Variants in USP32 observed in about 807,000 individuals in gnomAD.
USP32 encodes the protein ubiquitin specific peptidase 32, also known as ubiquitin carboxyl-terminal hydrolase 32.
USP32 carries 59 observed loss-of-function variants against 204.8 expected under a neutral mutation model. That is an observed-to-expected ratio of 0.29 (90% confidence interval 0.23 to 0.36). The LOEUF (loss-of-function observed/expected upper bound fraction) is 0.36. Ranked by LOEUF, USP32 falls within the 10% of genes least tolerant of loss-of-function variation. The pLI is 1.00. For synonymous variants in USP32, 517 were observed against 678.4 expected (o/e 0.76, Z 3.70); for missense variants, 1,160 against 1,946.4 (o/e 0.60, Z 7.60).
chr17:60,188,572 T>C (rs1206635998), intron 29 of USP32, among the ~76,000 whole-genome samples: 22 of 152,254 alleles, frequency 1.4e-4, no homozygotes, highest in Non-Finnish European at 8.8e-5. Context: ...AACCGCATTA[T>C]ATTTTATCCA....
At chr17:60,376,021 T>C (rs181214599) in intron 1 of USP32, among the ~76,000 whole-genome samples, 22 of 152,192 alleles carry the variant, frequency 1.4e-4, no homozygotes, top group Admixed American at 1.4e-3. Context: ...TCACTCAATC[T>C]TTTGCCAATT....
At chr17:60,325,073 GAAAA>G (rs1361658959) in intron 2 of USP32, among the ~76,000 whole-genome samples, 1 of 152,060 alleles carries the variant, frequency 6.6e-6, no homozygotes, top group Non-Finnish European at 1.5e-5. Context: ...CTAAGCATAG[GAAAA>G]AATAAGGCAA....
chr17:60,337,585 T>C (rs765039800), intron 2 of USP32, among the ~76,000 whole-genome samples: 1 of 152,150 alleles, frequency 6.6e-6, no homozygotes, highest in Non-Finnish European at 1.5e-5. Context: ...CCATCAAGAA[T>C]AACAATTTTG....
At position 60,360,059 on chromosome 17, in the gene USP32, G is replaced by A. The variant is rs371317551; in HGVS notation, c.59-14451C>T. On this transcript the variant is annotated intron_variant, in intron 1 of 33. Coordinates refer to ENST00000300896, the MANE Select transcript of USP32 (RefSeq NM_032582.4). ...ATTTTTTTGTATTTTTAGTAGAAAC[G>A]GGGTTTCACCATGTTAGCCAGGATG... Among the ~76,000 whole-genome samples the A allele has an allele frequency of 1.4e-4, 21 of 150,936 alleles. No individual in the cohort carries two copies. In the East Asian group the frequency reaches 2.4e-3, roughly 17 times the overall value.
At chr17:60,217,808 G>C (rs1372146518) in intron 16 of USP32, among the ~76,000 whole-genome samples, 2 of 151,958 alleles carry the variant, frequency 1.3e-5, no homozygotes, top group African/African-American at 4.8e-5. Context: ...CACAATCATA[G>C]CTCACCACAA....
chr17:60,384,791 C>CA (rs78025849), intron 1 of USP32, among the ~76,000 whole-genome samples: 1,399 of 121,352 alleles, frequency 0.012, 4 homozygotes, highest in Non-Finnish European at 0.017. Flanking sequence ...AAACTCCGTC[C>CA]AAAAAAAAAA....
chr17:60,267,970 C>T (rs118080663), intron 7 of USP32, among the ~76,000 whole-genome samples: 3,343 of 152,030 alleles, frequency 0.022, 39 homozygotes, highest in Non-Finnish European at 0.032. Flanking sequence ...GCCACTGCAC[C>T]CAGTTAATTT....
intron 1 of USP32, among the ~76,000 whole-genome samples, chr17:60,356,487 C>T (rs922588110): frequency 2.6e-5 from 4 of 152,076 alleles, no homozygotes; most frequent in Admixed American, 2.6e-4. Flanking sequence ...AACACACACC[C>T]GAGTAGTATA....
chr17:60,343,338 A>G (rs1250861261), intron 2 of USP32, among the ~76,000 whole-genome samples: 1 of 152,210 alleles, frequency 6.6e-6, no homozygotes, highest in Non-Finnish European at 1.5e-5. Context: ...CCCCAAATCA[A>G]CAGAACATAC....
intron 2 of USP32, among the ~76,000 whole-genome samples, chr17:60,340,007 G>A (rs2145989117): frequency 6.6e-6 from 1 of 152,232 alleles, no homozygotes; most frequent in Middle Eastern, 3.4e-3. Flanking sequence ...ATACTGCTAT[G>A]ATATCTCAAA....
intron 12 of USP32, among the ~76,000 whole-genome samples, chr17:60,231,981 C>G (rs1015025091): frequency 6.6e-6 from 1 of 152,064 alleles, no homozygotes; most frequent in Non-Finnish European, 1.5e-5. Flanking sequence ...TTTCCTGATC[C>G]CTTGGTCTCT....
chr17:60,349,596 A>AAATATATATATAT (rs1555618242), intron 1 of USP32, among the ~76,000 whole-genome samples: 1 of 65,202 alleles, frequency 1.5e-5, no homozygotes, highest in Non-Finnish European at 2.5e-5. Context: ...AAAAAAAAAA[A>AAATATATATATAT]ATATATATAT....
intron 2 of USP32, among the ~76,000 whole-genome samples, chr17:60,313,983 T>C (rs965110684): frequency 1.3e-5 from 2 of 151,894 alleles, no homozygotes; most frequent in African/African-American, 4.8e-5. Context: ...AAAACTGGTA[T>C]ACAAGAAGTT....
At chr17:60,185,689 G>C in intron 29 of USP32, 38 bp from the exon 30 acceptor site, 1 of 1,584,858 alleles carries the variant, frequency 6.3e-7, no homozygotes, top group African/African-American at 1.3e-5. Flanking sequence ...GGGTGCGTGG[G>C]AAGGCATTTA....
intron 4 of USP32, among the ~76,000 whole-genome samples, chr17:60,290,983 T>A (rs1472251714): frequency 6.6e-6 from 1 of 152,222 alleles, no homozygotes; most frequent in Non-Finnish European, 1.5e-5. Context: ...ATGTTTACAA[T>A]GTCCTAAGAA....
At chr17:60,197,304 G>A (rs2084545780) in intron 27 of USP32, among the ~76,000 whole-genome samples, 1 of 151,824 alleles carries the variant, frequency 6.6e-6, no homozygotes, top group Non-Finnish European at 1.5e-5. Flanking sequence ...GTACCATGAT[G>A]GCAAGAAAAT....
intron 3 of USP32, among the ~76,000 whole-genome samples, chr17:60,296,684 G>C (rs1442159619): frequency 2.6e-5 from 4 of 152,160 alleles, no homozygotes; most frequent in African/African-American, 9.7e-5. Flanking sequence ...TTAAAAATAT[G>C]TGTTTGTGAC....
chr17:60,345,439 T>G (rs1200632616), intron 2 of USP32, 42 bp downstream of exon 2: 1 of 1,606,056 alleles, frequency 6.2e-7, no homozygotes, highest in South Asian at 1.1e-5. Flanking sequence ...CTGGTGGAGG[T>G]GGATAACTAC....
intron 3 of USP32, among the ~76,000 whole-genome samples, chr17:60,299,848 A>G (rs2087528887): frequency 6.6e-6 from 1 of 152,176 alleles, no homozygotes; most frequent in Non-Finnish European, 1.5e-5. Flanking sequence ...GTGTCTGGTG[A>G]AGGACCACTT....
Sources: gnomAD v4.1 joint callset for allele counts (sites outside exome capture counted in the v4.1 genomes callset) on GRCh38, gnomAD v4.1.1 for gene constraint, MANE v1.5 for transcripts, NCBI Gene and HGNC (gene_info 2026-07-23, HGNC 2026-07-21) for gene names.